GFAP: variants seen among roughly 807,000 people sequenced by gnomAD.
GFAP encodes the protein glial fibrillary acidic protein.
A neutral mutation model predicts 49.3 loss-of-function variants in GFAP; 38 were observed. The ratio of observed to expected loss-of-function variants is 0.77; its 90% confidence interval spans 0.60 to 1.01. The LOEUF is 1.01. GFAP is among the 50% of genes least tolerant of loss of function. The probability of loss-of-function intolerance (pLI) is 0.00; values close to 1 mark genes in which losing one functional copy is unlikely to be tolerated. For missense variants in GFAP, 463 were observed against 579.1 expected (o/e 0.80, Z 2.06); for synonymous variants, 222 against 236.4 (o/e 0.94, Z 0.56).
intron 7 of GFAP, chr17:44,910,270 C>A (rs764515465): frequency 3.1e-6 from 5 of 1,613,902 alleles, no homozygotes; most frequent in South Asian, 1.1e-5. Context: ...CCTGTAGTGA[C>A]AAGCAGTTAA....
Position 44,903,486 on chromosome 17 carries a change from C to T in GFAP, c.*3861G>A. 1.6e-6 allele frequency: 2 copies of T among 1,273,886 alleles called. No individual in the cohort carries two copies. Among genetic ancestry groups the T allele is most frequent in the Non-Finnish European group, 2.0e-6 (2 of 1,013,054 alleles). 78.9% of individuals were successfully genotyped at this position (1,273,886 alleles called of 1,614,324 possible). ...GCCTGGAGCACTGAGGCAGAGATCTCCCTGCCCGAGCACCTCGGCCCGCCC... is the reference window on the plus strand; with the variant it reads ...GCCTGGAGCACTGAGGCAGAGATCTTCCTGCCCGAGCACCTCGGCCCGCCC... On this transcript the variant is annotated 3_prime_UTR_variant, in exon 9 of 9. Transcript: ENST00000588735.
intron 7 of GFAP, chr17:44,910,295 A>G (rs1416163272): frequency 6.2e-7 from 1 of 1,613,924 alleles, no homozygotes; most frequent in Non-Finnish European, 8.5e-7. Flanking sequence ...ACAAAAACAG[A>G]AAACACTCAG....
At chr17:44,913,000 T>G in intron 4 of GFAP, 5 of 492,638 alleles carry the variant, frequency 1.0e-5, no homozygotes, top group East Asian at 3.8e-5. Context: ...ACCTACTTCA[T>G]AGTAAGGTAA....
rs781341982 is a variant in GFAP at position 44,913,283 on chromosome 17, A to G, written c.766T>C (p.Trp256Arg). Residue 256 changes from tryptophan to arginine, a missense_variant, in exon 4 of 9, where the codon TGG (tryptophan) becomes CGG (arginine). Physicochemically the swap from Trp to Arg is moderately radical, Grantham distance 101. Transcript: ENST00000588735. ...ASSNMHEAEE[W>R]YRSKFADLTD... ...GGCAGGGCTACCTTGGAGCGGTACC[A>G]CTCTTCGGCTTCATGCATGTTGCTG... 1 of 1,613,742 alleles carries G rather than the reference A, an allele frequency of 6.2e-7. No individual in the cohort carries two copies. Among genetic ancestry groups the G allele is most frequent in the East Asian group, 2.2e-5 (1 of 44,858 alleles).
chr17:44,913,217 A>C, intron 4 of GFAP, 52 bp downstream of exon 4: 1 of 1,564,728 alleles, frequency 6.4e-7, no homozygotes, highest in Non-Finnish European at 8.8e-7. Flanking sequence ...TCTCTTGTAC[A>C]GAGCAAGAAG....
chr17:44,907,387 A>G lies in GFAP; in HGVS notation c.1259T>C (p.Val420Ala), dbSNP rs748570438. ...VKTVEMRDGE[V>A]IKESKQEHKD... ...GTGCTCCTGCTTGGACTCCTTAATGACCTGCAGGGGACAGGGAACGTGCAC... is the reference window on the plus strand; with the variant it reads ...GTGCTCCTGCTTGGACTCCTTAATGGCCTGCAGGGGACAGGGAACGTGCAC... Residue 420 changes from valine (V) to alanine (A), a missense_variant and splice_region_variant, in exon 9 of 9, where the codon GTC becomes GCC. Around this residue, in one of 3 missense-constraint regions of GFAP, gnomAD observed 362 missense variants for 445.5 expected, o/e 0.81. Coordinates refer to ENST00000588735, the MANE Select transcript of GFAP (RefSeq NM_002055.5). The G allele has an allele frequency of 1.9e-6, 3 of 1,611,278 alleles. No homozygotes were observed. The highest frequency in any genetic ancestry group is 2.7e-5 in the African/African-American group (2 of 74,850).
intron 5 of GFAP, 65 bp from the exon 6 acceptor site, chr17:44,911,521 GC>G: frequency 1.3e-6 from 2 of 1,541,884 alleles, no homozygotes; most frequent in South Asian, 1.2e-5. Context: ...TCGAGGCCCG[GC>G]CCCCGGCCCC....
chr17:44,903,576 A>G lies in GFAP; in HGVS notation c.*3771T>C. ...GCCAGTGTTCTAGAAAGGGGAGTAAAGGCCAGGTTCTAGAATGGCTTTCCC... is the reference window on the plus strand; with the variant it reads ...GCCAGTGTTCTAGAAAGGGGAGTAAGGGCCAGGTTCTAGAATGGCTTTCCC... On this transcript the variant is annotated 3_prime_UTR_variant, in exon 9 of 9. Coordinates refer to ENST00000588735, the MANE Select transcript of GFAP (RefSeq NM_002055.5). 7.2e-7 allele frequency: 1 copy of G among 1,387,770 alleles called. No individual in the cohort carries two copies. The allele number at this position is 1,387,770 out of a possible 1,614,324, so 86.0% of individuals were successfully genotyped here.
At position 44,904,648 on chromosome 17, in the gene GFAP, C is replaced by T; in HGVS notation, c.*2699G>A. ...GCCGGCCCTGGGTGCCCCAGGTGCCCATTCAGTTCCACCAGCAGAGACTGG... is the reference window on the plus strand; with the variant it reads ...GCCGGCCCTGGGTGCCCCAGGTGCCTATTCAGTTCCACCAGCAGAGACTGG... On this transcript the variant is annotated 3_prime_UTR_variant, in exon 9 of 9. Coordinates refer to ENST00000588735, the MANE Select transcript of GFAP (RefSeq NM_002055.5). The T allele has an allele frequency of 6.4e-7, 1 of 1,550,550 alleles. No individual in the cohort carries two copies. The highest frequency in any genetic ancestry group is 1.4e-5 in the African/African-American group (1 of 73,152).
chr17:44,904,888 T>A lies in GFAP; in HGVS notation c.*2459A>T. 6.4e-7 allele frequency: 1 copy of A among 1,550,604 alleles called. No homozygotes were observed. Among genetic ancestry groups the A allele is most frequent in the Non-Finnish European group, 8.7e-7 (1 of 1,146,960 alleles). On this transcript the variant is annotated 3_prime_UTR_variant, in exon 9 of 9. Transcript: ENST00000588735. ...GCTGGAGGCAGGGTGTGCTAGTTGC[T>A]GGCTTCCGGCTGGGTGTGACATCTC...
rs886053015 is a variant in GFAP at position 44,903,604 on chromosome 17, C to T, written c.*3743G>A. On this transcript the variant is annotated 3_prime_UTR_variant, in exon 9 of 9. Transcript: ENST00000588735. ...CCAGGTTCTAGAATGGCTTTCCCCC[C>T]CCACCCTGAGATCAGGTCTGGAATG... The T allele has an allele frequency of 1.0e-5, 14 of 1,405,360 alleles. No individual in the cohort carries two copies. The East Asian group carries it at 3.1e-4, about 31-fold the overall frequency. 87.1% of individuals were successfully genotyped at this position (1,405,360 alleles called of 1,614,324 possible).
chr17:44,904,132 C>T lies in GFAP; in HGVS notation c.*3215G>A, dbSNP rs2051610178. ...TACGTGTGGGCAGCGACATGCTGAC[C>T]CGCTTCAGCATCCGCATGTTCAGCT... On this transcript the variant is annotated 3_prime_UTR_variant, in exon 9 of 9. Transcript: ENST00000588735. 3.2e-6 allele frequency: 5 copies of T among 1,550,470 alleles called. No homozygotes were observed. The East Asian group carries it at 7.3e-5, about 23-fold the overall frequency.
chr17:44,913,654 T>TTCTCTG, intron 3 of GFAP, 74 bp downstream of exon 3: 1 of 1,212,032 alleles, frequency 8.3e-7, no homozygotes, highest in Non-Finnish European at 1.2e-6. Context: ...CAGTCTCAGC[T>TTCTCTG]TCTCTGTCTC....
rs1186512695 is a variant in GFAP at position 44,905,981 on chromosome 17, T to C, written c.*1366A>G. 1 of 152,204 alleles carries C rather than the reference T, an allele frequency of 6.6e-6. No individual in the cohort carries two copies. Among genetic ancestry groups the C allele is most frequent in the Non-Finnish European group, 1.5e-5 (1 of 68,060 alleles). The allele number at this position is 152,204 out of a possible 1,614,324, so 9.4% of individuals were successfully genotyped here. A position where few individuals can be genotyped will look rare whatever the true frequency, so the allele number is the denominator to read the frequency against. On this transcript the variant is annotated 3_prime_UTR_variant, in exon 9 of 9. Coordinates refer to ENST00000588735, the MANE Select transcript of GFAP (RefSeq NM_002055.5). ...CTTTGCTCGTGCCTCAGTTTTACAATTGTAAAATAGGGCACTACCTAGAAT... is the reference window on the plus strand; with the variant it reads ...CTTTGCTCGTGCCTCAGTTTTACAACTGTAAAATAGGGCACTACCTAGAAT...
chr17:44,904,899 T>G lies in GFAP; in HGVS notation c.*2448A>C. The G allele has an allele frequency of 1.3e-6, 2 of 1,550,604 alleles. No homozygotes were observed. The highest frequency in any genetic ancestry group is 1.7e-6 in the Non-Finnish European group (2 of 1,146,972). ...GGTGTGCTAGTTGCTGGCTTCCGGCTGGGTGTGACATCTCATGGGCACTAC... is the reference window on the plus strand; with the variant it reads ...GGTGTGCTAGTTGCTGGCTTCCGGCGGGGTGTGACATCTCATGGGCACTAC... On this transcript the variant is annotated 3_prime_UTR_variant, in exon 9 of 9. Transcript: ENST00000588735.
At chr17:44,908,225 A>C in intron 7 of GFAP, 76 bp from the exon 8 acceptor site, 2 of 954,510 alleles carry the variant, frequency 2.1e-6, no homozygotes, top group Non-Finnish European at 3.4e-6. Flanking sequence ...CGGCTTCCCC[A>C]TCGCACCCCC....
Position 44,903,239 on chromosome 17 carries a change from C to A in GFAP, c.*4108G>T. The A allele has an allele frequency of 8.0e-7, 1 of 1,253,468 alleles. No homozygotes were observed. The highest frequency in any genetic ancestry group is 1.0e-6 in the Non-Finnish European group (1 of 1,000,214). The allele number at this position is 1,253,468 out of a possible 1,614,324, so 77.6% of individuals were successfully genotyped here. ...TAACAAGAATGTTTATAGCCCCAAA[C>A]CAATGAATGGACATGTAATCAACAA... is the stretch of plus-strand genomic sequence containing the variant. On this transcript the variant is annotated 3_prime_UTR_variant, in exon 9 of 9. Transcript: ENST00000588735.
rs1376828715 is a variant in GFAP, at chr17:44,905,224, G to C, written c.*2123C>G. On this transcript the variant is annotated 3_prime_UTR_variant, in exon 9 of 9. Transcript: ENST00000588735. The stretch of plus-strand genomic sequence containing the variant: ...GCTCCCCATTTTCATGGGCAGGTCT[G>C]GGACCTGATCTGAGAAGTGGAGGGG... The C allele has an allele frequency of 9.1e-6, 6 of 656,188 alleles. No homozygotes were observed. Among genetic ancestry groups the C allele is most frequent in the Non-Finnish European group, 1.6e-5 (6 of 376,490 alleles). 40.6% of individuals were successfully genotyped at this position (656,188 alleles called of 1,614,324 possible).
At chr17:44,913,212 T>C in intron 4 of GFAP, 57 bp downstream of exon 4, 1 of 1,540,030 alleles carries the variant, frequency 6.5e-7, no homozygotes, top group Non-Finnish European at 9.0e-7. Flanking sequence ...CCCATTCTCT[T>C]GTACAGAGCA....
Sources: gnomAD v4.1 joint callset for allele counts on GRCh38, gnomAD v4.1.1 for gene constraint, gnomAD v4.1.1 regional missense constraint, MANE v1.5 for transcripts, NCBI Gene and HGNC (gene_info 2026-07-23, HGNC 2026-07-21) for gene names.